Variants in ABI3BP observed in about 807,000 individuals in gnomAD.
ABI3BP encodes target of Nesh-SH3.
ABI3BP carries 216 observed loss-of-function variants against 268.6 expected under a neutral mutation model. The ratio of observed to expected loss-of-function variants is 0.80; its 90% CI spans 0.72 to 0.90. The LOEUF (loss-of-function observed/expected upper bound fraction) is 0.90. Ranked by LOEUF, ABI3BP falls within the 40% of genes least tolerant of loss-of-function variation. The pLI is 0.00. For synonymous variants in ABI3BP, 730 were observed against 730.0 expected (o/e 1.00, Z 0.00); for missense variants, 2,090 against 2,182.4 (o/e 0.96, Z 0.84).
At chr3:100,838,033 C>T (rs1485198199) in intron 26 of ABI3BP, among the ~76,000 whole-genome samples, 177 bp downstream of exon 26, 1 of 152,152 alleles carries the variant, frequency 6.6e-6, no homozygotes, top group Non-Finnish European at 1.5e-5. Context: ...TAATTTCCTA[C>T]ATATTGACTT....
rs145537085 is a variant in ABI3BP, at chr3:100,766,225, C to T, written c.4742-276G>A. Among the ~76,000 whole-genome samples, 701 of 152,344 alleles carry T rather than the reference C, an allele frequency of 4.6e-3. 7 individuals carry two copies. The highest frequency in any genetic ancestry group is 0.016 in the African/African-American group (664 of 41,572). On this transcript the variant is annotated intron_variant, in intron 62 of 67. Transcript: ENST00000471714. ...TGGTAACTGGTGAAGACCCATGCCA[C>T]GCCTGTGGTTGCTTTGGATACATAG...
chr3:100,933,619 A>T (rs2064593444), intron 1 of ABI3BP, among the ~76,000 whole-genome samples: 1 of 96,730 alleles, frequency 1.0e-5, no homozygotes, highest in Non-Finnish European at 2.1e-5. Flanking sequence ...ACCCATTGGG[A>T]GACAATATTT....
At chr3:100,834,597 G>T in intron 29 of ABI3BP, 87 bp downstream of exon 29, 1 of 1,274,388 alleles carries the variant, frequency 7.8e-7, no homozygotes, top group Non-Finnish European at 1.1e-6. Flanking sequence ...CAAGGGTCAA[G>T]TGGGTTATAA....
intron 1 of ABI3BP, among the ~76,000 whole-genome samples, chr3:100,968,641 A>G (rs1460849281): frequency 6.6e-6 from 1 of 152,168 alleles, no homozygotes; most frequent in Non-Finnish European, 1.5e-5. Flanking sequence ...AGTGACAGCT[A>G]TTTACAACAA....
chr3:100,924,518 G>T (rs2061247130), intron 2 of ABI3BP, among the ~76,000 whole-genome samples: 1 of 152,046 alleles, frequency 6.6e-6, no homozygotes, highest in Admixed American at 6.6e-5. Context: ...ATGTATGAAA[G>T]AATACACAAA....
chr3:100,873,293 A>T (rs948997514), intron 9 of ABI3BP, among the ~76,000 whole-genome samples: 1 of 152,210 alleles, frequency 6.6e-6, no homozygotes, highest in Admixed American at 6.5e-5. Context: ...GCTTGACATT[A>T]TGTGGACAAA....
intron 62 of ABI3BP, among the ~76,000 whole-genome samples, chr3:100,770,380 T>C (rs1428988086): frequency 6.6e-6 from 1 of 152,140 alleles, no homozygotes; most frequent in Admixed American, 6.5e-5. Flanking sequence ...AAGTTCTAGG[T>C]CAATAAGAAA....
At chr3:100,930,776 T>C (rs980847846) in intron 1 of ABI3BP, 1 of 151,940 alleles carries the variant, frequency 6.6e-6, no homozygotes, top group Non-Finnish European at 1.5e-5. Context: ...GATGAACTGG[T>C]ACCAATCCTA....
At chr3:100,815,519 T>C (rs2098009826) in intron 44 of ABI3BP, among the ~76,000 whole-genome samples, 1 of 152,030 alleles carries the variant, frequency 6.6e-6, no homozygotes. Context: ...AGGAAGAAAA[T>C]AATGAGACTA....
chr3:100,852,704 G>A (rs2098866538), intron 14 of ABI3BP, among the ~76,000 whole-genome samples: 1 of 152,168 alleles, frequency 6.6e-6, no homozygotes, highest in Non-Finnish European at 1.5e-5. Flanking sequence ...AGCTTTCTGT[G>A]CTTCTCCATA....
rs886182784 is a variant in ABI3BP at position 100,821,054 on chromosome 3, C to G, written c.2947G>C (p.Ala983Pro). 2.0e-6 allele frequency: 3 copies of G among 1,535,410 alleles called. No homozygotes were observed. The African/African-American group carries it at 4.1e-5, about 21-fold the overall frequency. The change falls in exon 39 of 68, where the codon GCT (alanine) becomes CCT (proline). Residue 983 changes from alanine (A) to proline (P), a missense_variant and splice_region_variant. Ala to Pro is a conservative substitution (Grantham distance 27, BLOSUM62 -1). Transcript: ENST00000471714. ...AATGAGGATTGCAACGTGCTATTAC[C>G]TTGTGTTGTCACCCAAGTCTCAGTT... The part of the protein sequence containing the change: ...LRTETWVTTQ[A>P]PKTSQRTRRP...
chr3:100,762,096 TATTA>T (rs1164451105), intron 63 of ABI3BP, among the ~76,000 whole-genome samples: 11 of 147,442 alleles, frequency 7.5e-5, no homozygotes, highest in African/African-American at 3.0e-4. Context: ...TGACTAGAGT[TATTA>T]TTATTATTTT....
chr3:100,951,859 T>C (rs2075187723), intron 1 of ABI3BP, among the ~76,000 whole-genome samples: 1 of 151,980 alleles, frequency 6.6e-6, no homozygotes, highest in African/African-American at 2.4e-5. Flanking sequence ...CAGGTCATCT[T>C]GAGCCCAAAA....
chr3:100,801,653 A>C (rs1195685265), intron 51 of ABI3BP, among the ~76,000 whole-genome samples: 1 of 152,134 alleles, frequency 6.6e-6, no homozygotes, highest in Non-Finnish European at 1.5e-5. Context: ...GAAGACATCC[A>C]TCTTGCCTCT....
intron 2 of ABI3BP, among the ~76,000 whole-genome samples, chr3:100,922,553 T>TGATGGTGATGGTGATGGCGATGGC (rs1554130231): frequency 6.8e-6 from 1 of 146,074 alleles, no homozygotes; most frequent in Non-Finnish European, 1.5e-5. Context: ...ATGGTGATGG[T>TGATGGTGATGGTGATGGCGATGGC]GATGGCGATG....
At chr3:100,850,989 T>G (rs574936458) in intron 15 of ABI3BP, among the ~76,000 whole-genome samples, 2 of 152,366 alleles carry the variant, frequency 1.3e-5, no homozygotes, top group Admixed American at 6.5e-5. Flanking sequence ...CAACACGTTT[T>G]TCTGGTTTCC....
At chr3:100,801,281 G>C (rs1362506860) in intron 51 of ABI3BP, among the ~76,000 whole-genome samples, 1 of 151,648 alleles carries the variant, frequency 6.6e-6, no homozygotes, top group Non-Finnish European at 1.5e-5. Context: ...TAAAAATCTA[G>C]GCCAGGCATG....
chr3:100,946,054 G>A lies in ABI3BP; in HGVS notation c.80-19573C>T, dbSNP rs112840305. On this transcript the variant is annotated intron_variant, in intron 1 of 67. Transcript: ENST00000471714. ...TAAAATTAATTATTTTAAGCCCTGGGATTTCTATCTTTAGTCATTAAGGAA... is the reference window on the plus strand; with the variant it reads ...TAAAATTAATTATTTTAAGCCCTGGAATTTCTATCTTTAGTCATTAAGGAA... Among the ~76,000 whole-genome samples, 1,433 of 152,102 alleles carry A rather than the reference G, an allele frequency of 9.4e-3. 18 individuals carry two copies. Among genetic ancestry groups the A allele is most frequent in the African/African-American group, 0.033 (1,366 of 41,498 alleles).
rs754137896 is a variant in ABI3BP at position 100,752,795 on chromosome 3, G to T, written c.5114C>A (p.Ser1705Tyr). Residue 1705 changes from serine (S) to tyrosine (Y), a missense_variant, in exon 66 of 68, where the codon TCC becomes TAC. Transcript: ENST00000471714. ...SLRYKIYLSDSLTGKFYNIGD... is the reference protein window; with the variant it reads ...SLRYKIYLSDYLTGKFYNIGD... ...CTGGTAGCTCTGCTTACCTGTGAGG[G>T]AGTCGCTCAAGTAAATCTTGTATCT... 6.2e-7 allele frequency: 1 copy of T among 1,612,750 alleles called. No individual in the cohort carries two copies. Among genetic ancestry groups the T allele is most frequent in the Non-Finnish European group, 8.5e-7 (1 of 1,179,578 alleles).
Sources: allele counts gnomAD v4.1 joint callset (sites outside exome capture counted in the v4.1 genomes callset), GRCh38; gene constraint gnomAD v4.1.1; transcripts MANE v1.5; gene names NCBI Gene and HGNC (gene_info 2026-07-23, HGNC 2026-07-21).